Variants in TG observed in about 807,000 individuals in gnomAD.
TG encodes the protein thyroglobulin, also known as thyroid hormones.
In TG, 270 loss-of-function variants were observed where a neutral mutation model predicts 324.7. The observed-to-expected ratio is 0.83, with a 90% CI of 0.75 to 0.92. The LOEUF (loss-of-function observed/expected upper bound fraction) is 0.92. Among genes scored for constraint, TG ranks in the 40% least tolerant of loss-of-function variants. The probability of loss-of-function intolerance (pLI) is 0.00; values close to 1 mark genes in which losing one functional copy is unlikely to be tolerated. For synonymous variants in TG, 1,401 were observed against 1,327.0 expected (o/e 1.06, Z -1.21); for missense variants, 3,591 against 3,456.4 (o/e 1.04, Z -0.98).
rs192698509 is a variant in TG, at chr8:132,909,392, G to A, written c.4002+1052G>A. Reference sequence around the variant, plus strand: ...GCTGAAGACATGTGTTTCAAACATGGGGAAATTAAATCCCATGCAGAAAGG... The same window carrying A: ...GCTGAAGACATGTGTTTCAAACATGAGGAAATTAAATCCCATGCAGAAAGG... On this transcript the variant is annotated intron_variant, in intron 18 of 47. Transcript: ENST00000220616. Among the ~76,000 whole-genome samples the A allele has an allele frequency of 2.8e-3, 427 of 152,310 alleles. 2 individuals carry two copies. The highest frequency in any genetic ancestry group is 9.7e-3 in the African/African-American group (403 of 41,572).
intron 35 of TG, among the ~76,000 whole-genome samples, chr8:132,997,145 G>A (rs752061391): frequency 1.3e-5 from 2 of 152,178 alleles, no homozygotes; most frequent in African/African-American, 2.4e-5. Context: ...CTTTCTAGAT[G>A]AACATTCAGT....
intron 18 of TG, among the ~76,000 whole-genome samples, chr8:132,909,854 C>A (rs373335958): frequency 6.6e-6 from 1 of 152,164 alleles, no homozygotes; most frequent in African/African-American, 2.4e-5. Flanking sequence ...TTTTGAATCC[C>A]GGCTCTACTA....
intron 25 of TG, among the ~76,000 whole-genome samples, chr8:132,938,585 A>G (rs1823951874): frequency 6.6e-6 from 1 of 152,184 alleles, no homozygotes; most frequent in South Asian, 2.1e-4. Context: ...TGTGAGCAAA[A>G]CAGAATCACT....
intron 41 of TG, among the ~76,000 whole-genome samples, chr8:133,092,291 C>T (rs1293676333): frequency 6.6e-6 from 1 of 152,210 alleles, no homozygotes; most frequent in Non-Finnish European, 1.5e-5. Context: ...GGCACCTTAC[C>T]ATGTTCGGAG....
chr8:132,903,077 C>T (rs1193907071), intron 16 of TG, among the ~76,000 whole-genome samples: 2 of 152,204 alleles, frequency 1.3e-5, no homozygotes, highest in African/African-American at 2.4e-5. Flanking sequence ...GCTGATGAAA[C>T]CCTCTGCTGT....
At chr8:132,917,935 CA>C (rs1446260556) in intron 20 of TG, among the ~76,000 whole-genome samples, 1 of 141,508 alleles carries the variant, frequency 7.1e-6, no homozygotes, top group East Asian at 2.1e-4. Flanking sequence ...ACTTTTGCGC[CA>C]GCTTAATATT....
At position 133,095,021 on chromosome 8, in the gene TG, C is replaced by A. The variant is rs1365890019; in HGVS notation, c.7240-23C>A. ...GCTGAAGATGATCTGAACCATCTGC[C>A]CTGAGCCTGCTTTCTCTTCCAGGGA... On this transcript the variant is annotated intron_variant, in intron 41 of 47. Coordinates refer to ENST00000220616, the MANE Select transcript of TG (RefSeq NM_003235.5). The A allele has an allele frequency of 2.5e-6, 4 of 1,612,446 alleles. No individual in the cohort carries two copies. In the African/African-American group the frequency reaches 5.3e-5, roughly 22 times the overall value.
intron 16 of TG, among the ~76,000 whole-genome samples, chr8:132,905,272 C>G (rs1818515867): frequency 6.6e-6 from 1 of 152,186 alleles, no homozygotes; most frequent in African/African-American, 2.4e-5. Context: ...AGCCTGCAGG[C>G]TGGTCCAGAG....
In TG at chr8:133,063,255, C is replaced by G. The variant is rs1324590955; in HGVS notation, c.7240-31789C>G. Among the ~76,000 whole-genome samples, 3 of 150,228 alleles carry G rather than the reference C, an allele frequency of 2.0e-5. No individual in the cohort carries two copies. The Admixed American group carries it at 2.0e-4, about 10-fold the overall frequency. ...CCCATAAGTTCCACCCCTCCAGATG[C>G]CAGGGTGCCCCCAGCCCTGCCAGCC... is the stretch of plus-strand genomic sequence containing the variant. On this transcript the variant is annotated intron_variant, in intron 41 of 47. Transcript: ENST00000220616.
intron 45 of TG, among the ~76,000 whole-genome samples, chr8:133,118,320 C>CTTTTTTTTTTTTTTTTTTTTTTTTT (rs34171048): frequency 1.1e-5 from 1 of 88,978 alleles, no homozygotes; most frequent in African/African-American, 4.1e-5. Context: ...CAGATTCTTC[C>CTTTTTTTTTTTTTTTTTTTTTTTTT]TTTTTTTTTT....
chr8:133,097,042 T>C (rs1848526778), intron 43 of TG, among the ~76,000 whole-genome samples: 1 of 152,218 alleles, frequency 6.6e-6, no homozygotes, highest in African/African-American at 2.4e-5. Context: ...AAGCTACTCT[T>C]GGCCAAAGCC....
intron 35 of TG, among the ~76,000 whole-genome samples, chr8:133,008,771 A>G (rs1440904568): frequency 6.6e-6 from 1 of 152,260 alleles, no homozygotes; most frequent in Non-Finnish European, 1.5e-5. Context: ...CCTTGTCTGT[A>G]AACTTGGACA....
Position 133,057,247 on chromosome 8 carries a change from A to G in TG, c.7239+27224A>G, listed in dbSNP as rs144576895. 1.2e-3 allele frequency among the ~76,000 whole-genome samples: 178 copies of G among 152,302 alleles called. 7 individuals carry two copies. The East Asian group carries it at 0.029, about 25-fold the overall frequency. ...AGGGGAAAAAGATCACAGCAGAGAG[A>G]CAGAGTGCTCATTTTAAGGTGGAAA... On this transcript the variant is annotated intron_variant, in intron 41 of 47. Transcript: ENST00000220616.
intron 41 of TG, among the ~76,000 whole-genome samples, chr8:133,080,310 T>A (rs1204748254): frequency 6.6e-6 from 1 of 152,164 alleles, no homozygotes; most frequent in East Asian, 1.9e-4. Context: ...TTCCACTCAC[T>A]CTATGTATCT....
At chr8:132,888,654 A>T in intron 10 of TG, 86 bp downstream of exon 10, 1 of 1,349,002 alleles carries the variant, frequency 7.4e-7, no homozygotes, top group Non-Finnish European at 9.9e-7. Context: ...AAGGATGTCT[A>T]GTGGGAGGGT....
intron 26 of TG, among the ~76,000 whole-genome samples, chr8:132,942,047 G>A (rs1470010513): frequency 6.6e-6 from 1 of 152,154 alleles, no homozygotes; most frequent in African/African-American, 2.4e-5. Context: ...GTGATCAATA[G>A]GCCTATCATT....
At chr8:133,011,267 T>C (rs959368238) in intron 35 of TG, among the ~76,000 whole-genome samples, 2 of 152,132 alleles carry the variant, frequency 1.3e-5, no homozygotes, top group African/African-American at 4.8e-5. Context: ...ATGGACAGTG[T>C]TGGGATGCAG....
intron 41 of TG, among the ~76,000 whole-genome samples, chr8:133,070,621 T>C (rs1843857061): frequency 6.6e-6 from 1 of 152,252 alleles, no homozygotes; most frequent in Admixed American, 6.5e-5. Flanking sequence ...CAAGGCTTGT[T>C]CAGGGCTGGG....
In TG at chr8:132,877,357, T is replaced by C. The variant is rs964597602; in HGVS notation, c.638+4136T>C. Among the ~76,000 whole-genome samples the C allele has an allele frequency of 2.6e-5, 4 of 152,174 alleles. No homozygotes were observed. In the South Asian group the frequency reaches 8.3e-4, roughly 32 times the overall value. ...GTTCACTATGTTGGTCAGGCTGGTC[T>C]GAAACTCCTGACCTCAAGTGATCCA... is the stretch of plus-strand genomic sequence containing the variant. On this transcript the variant is annotated intron_variant, in intron 5 of 47. Coordinates refer to ENST00000220616, the MANE Select transcript of TG (RefSeq NM_003235.5).
Sources: gnomAD v4.1 joint callset for allele counts (sites outside exome capture counted in the v4.1 genomes callset) on GRCh38, gnomAD v4.1.1 for gene constraint, MANE v1.5 for transcripts, NCBI Gene and HGNC (gene_info 2026-07-23, HGNC 2026-07-21) for gene names.